The following ABCB1 variants were observed in gnomAD, a reference collection of about 807,000 sequenced individuals.
The protein encoded by ABCB1 is ATP binding cassette subfamily B member 1.
A neutral mutation model predicts 142.0 loss-of-function variants in ABCB1; 69 were observed. The ratio of observed to expected loss-of-function variants is 0.49; its 90% CI spans 0.40 to 0.59. ABCB1 has a LOEUF of 0.59. Among genes scored for constraint, ABCB1 ranks in the 20% least tolerant of loss-of-function variants. The pLI is 0.00. For missense variants in ABCB1, 1,326 were observed against 1,554.7 expected (o/e 0.85, Z 2.47); for synonymous variants, 532 against 539.2 (o/e 0.99, Z 0.18).
intron 9 of ABCB1, among the ~76,000 whole-genome samples, chr7:87,552,515 A>G (rs991355579): frequency 6.6e-6 from 1 of 151,978 alleles, no homozygotes; most frequent in African/African-American, 2.4e-5. Flanking sequence ...CACACTCCCT[A>G]TTTTGGATGC....
intron 26 of ABCB1, 124 bp from the exon 27 acceptor site, chr7:87,506,167 G>T (rs1352069409): frequency 5.3e-6 from 5 of 949,006 alleles, no homozygotes; most frequent in Non-Finnish European, 8.0e-6. Flanking sequence ...GCTAAGAATG[G>T]TTCATGAATA....
intron 1 of ABCB1, among the ~76,000 whole-genome samples, chr7:87,634,971 A>AT (rs1821617307): frequency 6.6e-6 from 1 of 152,176 alleles, no homozygotes; most frequent in Admixed American, 6.5e-5. Context: ...ACAAAAGGTC[A>AT]TTTTCTCTTC....
intron 4 of ABCB1, among the ~76,000 whole-genome samples, chr7:87,576,221 T>C (rs977868997): frequency 1.3e-5 from 2 of 152,150 alleles, no homozygotes; most frequent in Middle Eastern, 3.4e-3. Context: ...ATTCTACTTT[T>C]TGGCTTGAAA....
chr7:87,606,989 A>G (rs541410740), intron 1 of ABCB1, among the ~76,000 whole-genome samples: 1 of 152,192 alleles, frequency 6.6e-6, no homozygotes, highest in South Asian at 2.1e-4. Flanking sequence ...AATTCCCAGT[A>G]TTTTTCATTT....
chr7:87,567,376 T>C (rs1044206726), intron 5 of ABCB1, among the ~76,000 whole-genome samples: 2 of 152,222 alleles, frequency 1.3e-5, no homozygotes, highest in Non-Finnish European at 2.9e-5. Context: ...GTGTGGTATA[T>C]TGGGGAATCA....
chr7:87,663,928 G>A (rs575394515), intron 1 of ABCB1, among the ~76,000 whole-genome samples: 87 of 152,202 alleles, frequency 5.7e-4, no homozygotes, highest in Admixed American at 9.8e-4. Flanking sequence ...GATCCTACTG[G>A]ATGAAGGCCC....
At chr7:87,685,973 C>T (rs896280468) in intron 1 of ABCB1, among the ~76,000 whole-genome samples, 2 of 152,122 alleles carry the variant, frequency 1.3e-5, no homozygotes, top group Non-Finnish European at 2.9e-5. Context: ...AAAGAAGTCC[C>T]AAGGAATACT....
At chr7:87,525,145 T>C (rs1584846897) in intron 21 of ABCB1, among the ~76,000 whole-genome samples, 2 of 152,184 alleles carry the variant, frequency 1.3e-5, no homozygotes, top group East Asian at 3.9e-4. Flanking sequence ...CAGCTTTGTT[T>C]ATTCCAAGAG....
intron 4 of ABCB1, among the ~76,000 whole-genome samples, chr7:87,577,243 G>A (rs1818306180): frequency 6.6e-6 from 1 of 152,066 alleles, no homozygotes; most frequent in African/African-American, 2.4e-5. Flanking sequence ...GCAAATGACA[G>A]GATCTCATTT....
At chr7:87,621,887 G>T (rs1820236620) in intron 1 of ABCB1, among the ~76,000 whole-genome samples, 1 of 151,974 alleles carries the variant, frequency 6.6e-6, no homozygotes, top group Admixed American at 6.6e-5. Context: ...ATTATTTCAT[G>T]ATAAATTTAA....
At chr7:87,703,885 CTTTTTTT>C in intron 1 of ABCB1, among the ~76,000 whole-genome samples, 3 of 60,282 alleles carry the variant, frequency 5.0e-5, no homozygotes, top group East Asian at 5.1e-4. Flanking sequence ...TCAGTTTTTT[CTTTTTTT>C]TTTTTTTTTT....
chr7:87,509,257 A>G lies in ABCB1; in HGVS notation c.3489+18T>C, dbSNP rs762374613. 6.2e-7 allele frequency: 1 copy of G among 1,613,680 alleles called. No individual in the cohort carries two copies. The highest frequency in any genetic ancestry group is 8.5e-7 in the Non-Finnish European group (1 of 1,179,604). On this transcript the variant is annotated intron_variant, in intron 26 of 27. Coordinates refer to ENST00000622132, the MANE Select transcript of ABCB1 (RefSeq NM_001348946.2). ...GCTGCCACATGCTCCCAGGCTGTTT[A>G]TTTGAAGAGAGACTTACATTAGGCA...
chr7:87,564,113 T>C (rs1330218703), intron 7 of ABCB1: 2 of 451,114 alleles, frequency 4.4e-6, no homozygotes, highest in Non-Finnish European at 4.4e-6. Flanking sequence ...CAAATGCCCA[T>C]GACACAAGTT....
intron 20 of ABCB1, 62 bp downstream of exon 20, chr7:87,536,396 G>A (rs1816294208): frequency 1.3e-6 from 2 of 1,501,018 alleles, no homozygotes; most frequent in Admixed American, 1.7e-5. Flanking sequence ...GAGAAAATTA[G>A]TTTCATGCTG....
At chr7:87,676,152 A>G (rs1009718804) in intron 1 of ABCB1, among the ~76,000 whole-genome samples, 1 of 152,148 alleles carries the variant, frequency 6.6e-6, no homozygotes, top group African/African-American at 2.4e-5. Flanking sequence ...GGTTGAACCC[A>G]GGAGTTTGAG....
At chr7:87,557,070 G>A (rs1164414138) in intron 8 of ABCB1, among the ~76,000 whole-genome samples, 2 of 152,046 alleles carry the variant, frequency 1.3e-5, no homozygotes, top group East Asian at 1.9e-4. Flanking sequence ...CCCAACCACC[G>A]TATTTAAAGT....
chr7:87,569,701 T>A lies in ABCB1; in HGVS notation c.338+471A>T, dbSNP rs28381840. Among the ~76,000 whole-genome samples the A allele has an allele frequency of 7.2e-3, 1,084 of 151,530 alleles. 20 individuals are homozygous for A. The highest frequency in any genetic ancestry group is 0.025 in the African/African-American group (1,046 of 41,302). ...GTCTCTCTCTTTTTTTGTGGGGGGGTGTGGGGGACAGGGTCCTGCTCTTTC... is the reference window on the plus strand; with the variant it reads ...GTCTCTCTCTTTTTTTGTGGGGGGGAGTGGGGGACAGGGTCCTGCTCTTTC... On this transcript the variant is annotated intron_variant, in intron 5 of 27. Transcript: ENST00000622132.
At chr7:87,536,428 G>C in intron 20 of ABCB1, 30 bp downstream of exon 20, 4 of 1,611,656 alleles carry the variant, frequency 2.5e-6, no homozygotes, top group Non-Finnish European at 3.4e-6. Flanking sequence ...GGCCAATTAA[G>C]ACAAACACCA....
chr7:87,566,649 G>A (rs1817793850), intron 6 of ABCB1, 136 bp downstream of exon 6: 7 of 882,450 alleles, frequency 7.9e-6, no homozygotes, highest in Non-Finnish European at 1.3e-5. Context: ...CGACATTGTT[G>A]CTGCTTAGAA....
Sources: allele counts gnomAD v4.1 joint callset (sites outside exome capture counted in the v4.1 genomes callset), GRCh38; gene constraint gnomAD v4.1.1; transcripts MANE v1.5; gene names NCBI Gene and HGNC (gene_info 2026-07-23, HGNC 2026-07-21).